RGS6: variants seen among roughly 807,000 people sequenced by gnomAD.
RGS6 encodes the protein regulator of G-protein signaling 6.
In RGS6, 30 loss-of-function variants were observed where a neutral mutation model predicts 78.5. That is an observed-to-expected ratio of 0.38 (90% CI 0.29 to 0.52). The LOEUF (loss-of-function observed/expected upper bound fraction) is 0.52. RGS6 is among the 20% of genes least tolerant of loss of function. The pLI is 0.85. For synonymous variants in RGS6, 206 were observed against 206.0 expected, an observed-to-expected ratio of 1.00 and a Z score of 0.00; for missense variants, 495 against 609.7, an observed-to-expected ratio of 0.81 and a Z score of 1.98.
Position 72,284,763 on chromosome 14 carries a change from G to T in RGS6, c.85-67332G>T, listed in dbSNP as rs181911478. Among the ~76,000 whole-genome samples, 6 of 152,222 alleles carry T rather than the reference G, an allele frequency of 3.9e-5. No individual in the cohort carries two copies. The South Asian group carries it at 1.2e-3, about 32-fold the overall frequency. ...GGTAGATCCACTAACAGCTTGTATC[G>T]TATGCCTGGAAAAGCCACAAACACT... On this transcript the variant is annotated intron_variant, in intron 2 of 17. Coordinates refer to ENST00000553525, the MANE Select transcript of RGS6 (RefSeq NM_001204424.2).
chr14:72,161,759 G>A (rs1405826647), intron 2 of RGS6, among the ~76,000 whole-genome samples: 1 of 152,224 alleles, frequency 6.6e-6, no homozygotes, highest in Non-Finnish European at 1.5e-5. Flanking sequence ...TCTGTTTACA[G>A]CCAGGCTTGC....
chr14:71,932,013 C>T (rs1296869598), upstream of RGS6, among the ~76,000 whole-genome samples: 2 of 152,198 alleles, frequency 1.3e-5, no homozygotes, highest in Middle Eastern at 3.2e-3. Flanking sequence ...GAGGGAGATT[C>T]AGAAGCCGCC....
rs144615727 is a variant in RGS6 at position 72,331,364 on chromosome 14, C to T, written c.85-20731C>T. Among the ~76,000 whole-genome samples the T allele has an allele frequency of 9.9e-5, 15 of 152,196 alleles. No homozygotes were observed. The East Asian group carries it at 2.9e-3, about 29-fold the overall frequency. ...ATTTTGTTTATAACCTTGGAATAAA[C>T]TAAGCCAACAGACTGTATTCTTGCA... On this transcript the variant is annotated intron_variant, in intron 2 of 17. Transcript: ENST00000553525.
At chr14:72,098,467 G>A (rs2095457481) in intron 2 of RGS6, among the ~76,000 whole-genome samples, 2 of 152,180 alleles carry the variant, frequency 1.3e-5, no homozygotes, top group Admixed American at 6.5e-5. Context: ...TTCTTTTGAC[G>A]GTGTGGACAG....
intron 3 of RGS6, among the ~76,000 whole-genome samples, chr14:72,415,072 G>T (rs776684264): frequency 2.0e-5 from 3 of 152,258 alleles, no homozygotes; most frequent in Non-Finnish European, 4.4e-5. Context: ...AAAGCTGTCA[G>T]ACAGGGACAT....
intron 2 of RGS6, among the ~76,000 whole-genome samples, chr14:72,223,257 C>T (rs898985956): frequency 2.0e-5 from 3 of 152,184 alleles, no homozygotes; most frequent in Non-Finnish European, 4.4e-5. Flanking sequence ...ACCTCACAAA[C>T]CTGGCCTTAA....
At chr14:72,249,015 T>A (rs1259398585) in intron 2 of RGS6, among the ~76,000 whole-genome samples, 1 of 152,220 alleles carries the variant, frequency 6.6e-6, no homozygotes, top group Non-Finnish European at 1.5e-5. Context: ...AAAAAAATAA[T>A]CTTCTCCTTC....
Position 72,342,721 on chromosome 14 carries a change from G to A in RGS6, c.85-9374G>A, listed in dbSNP as rs1596020841. Among the ~76,000 whole-genome samples the A allele has an allele frequency of 1.1e-4, 8 of 74,478 alleles. No individual in the cohort carries two copies. In the South Asian group the frequency reaches 4.4e-3, roughly 41 times the overall value. 48.9% of individuals were successfully genotyped at this position (74,478 alleles called of 152,430 possible). A position where few individuals can be genotyped will look rare whatever the true frequency, so the allele number is the denominator to read the frequency against. ...CTCTAGCCTGTGCAACAGAGGCTTT[G>A]TCTCAAAAAAAAAAAAAAAAAAAAA... On this transcript the variant is annotated intron_variant, in intron 2 of 17. Coordinates refer to ENST00000553525, the MANE Select transcript of RGS6 (RefSeq NM_001204424.2).
intron 2 of RGS6, among the ~76,000 whole-genome samples, chr14:72,195,005 C>T (rs1281143581): frequency 6.6e-6 from 1 of 151,900 alleles, no homozygotes; most frequent in African/African-American, 2.4e-5. Flanking sequence ...GTCAGGAGTT[C>T]AAGACCAGCC....
chr14:72,342,025 T>C (rs993591098), intron 2 of RGS6, among the ~76,000 whole-genome samples: 11 of 152,190 alleles, frequency 7.2e-5, no homozygotes, highest in Non-Finnish European at 1.3e-4. Flanking sequence ...AGAAAAATGA[T>C]ATATATGTTA....
chr14:71,914,498 C>T, the RGS6 span, among the ~76,000 whole-genome samples: 7 of 152,162 alleles, frequency 4.6e-5, no homozygotes, highest in Admixed American at 3.9e-4. Context: ...TAAGAACTAA[C>T]GGATCTTAAT....
At chr14:72,588,868 G>A in the RGS6 span, among the ~76,000 whole-genome samples, 16 of 152,278 alleles carry the variant, frequency 1.1e-4, no homozygotes, top group East Asian at 1.4e-3. Context: ...ATGGATGGTC[G>A]TGTGCAGGGC....
chr14:72,178,365 C>G (rs925206357), intron 2 of RGS6, among the ~76,000 whole-genome samples: 7 of 152,238 alleles, frequency 4.6e-5, no homozygotes, highest in Admixed American at 3.9e-4. Flanking sequence ...CCCTTTCCCC[C>G]TCAGACAGTC....
At chr14:72,486,041 C>T (rs1484839842) in intron 12 of RGS6, among the ~76,000 whole-genome samples, 1 of 152,068 alleles carries the variant, frequency 6.6e-6, no homozygotes, top group East Asian at 1.9e-4. Flanking sequence ...CTGGTGTTTT[C>T]CCCCATGCTA....
chr14:72,200,403 G>A (rs770888150), intron 2 of RGS6, among the ~76,000 whole-genome samples: 15 of 152,204 alleles, frequency 9.9e-5, no homozygotes, highest in Non-Finnish European at 1.8e-4. Context: ...ATCAGTGAAG[G>A]CTCTGATATC....
intron 2 of RGS6, among the ~76,000 whole-genome samples, chr14:72,307,057 C>A (rs1487730787): frequency 6.6e-6 from 1 of 152,164 alleles, no homozygotes; most frequent in Non-Finnish European, 1.5e-5. Context: ...ACAGCCACCC[C>A]AACCTTCAGC....
chr14:72,261,773 C>G (rs1000793895), intron 2 of RGS6, among the ~76,000 whole-genome samples: 1 of 152,062 alleles, frequency 6.6e-6, no homozygotes, highest in Non-Finnish European at 1.5e-5. Flanking sequence ...AAATTGAAGT[C>G]TTGTAGCCAA....
intron 2 of RGS6, among the ~76,000 whole-genome samples, chr14:72,034,767 A>G (rs1289007612): frequency 2.0e-5 from 3 of 152,096 alleles, no homozygotes; most frequent in South Asian, 2.1e-4. Flanking sequence ...GTTTGATATA[A>G]TTCTCCAGTG....
chr14:72,009,309 C>T (rs936255799), intron 2 of RGS6, among the ~76,000 whole-genome samples: 9 of 152,136 alleles, frequency 5.9e-5, no homozygotes, highest in African/African-American at 2.2e-4. Context: ...AACTGTGCCA[C>T]TGAACTCCCG....
Sources: gnomAD v4.1 joint callset for allele counts (sites outside exome capture counted in the v4.1 genomes callset) on GRCh38, gnomAD v4.1.1 for gene constraint, MANE v1.5 for transcripts, NCBI Gene and HGNC (gene_info 2026-07-23, HGNC 2026-07-21) for gene names.